Variants in PPP1R14C observed in about 807,000 individuals in gnomAD.
The protein encoded by PPP1R14C is protein phosphatase 1 regulatory subunit 14C.
In PPP1R14C, 16 loss-of-function variants were observed where a neutral mutation model predicts 20.4. The observed-to-expected ratio is 0.78, with a 90% CI of 0.53 to 1.19. The LOEUF is 1.19. Ranked by LOEUF, PPP1R14C falls within the 50% of genes most tolerant of loss-of-function variation. PPP1R14C has a pLI of 0.00. For synonymous variants in PPP1R14C, 91 were observed against 91.0 expected (o/e 1.00, Z 0.00); for missense variants, 211 against 220.1 (o/e 0.96, Z 0.26).
At position 150,249,058 on chromosome 6, in the gene PPP1R14C, C is replaced by A; in HGVS notation, c.*238C>A. The A allele has an allele frequency of 2.2e-6, 1 of 447,818 alleles. No individual in the cohort carries two copies. The highest frequency in any genetic ancestry group is 3.9e-6 in the Non-Finnish European group (1 of 255,586). 27.7% of individuals were successfully genotyped at this position (447,818 alleles called of 1,614,324 possible). On this transcript the variant is annotated 3_prime_UTR_variant, in exon 4 of 4. Coordinates refer to ENST00000361131, the MANE Select transcript of PPP1R14C (RefSeq NM_030949.3). ...AATAGCAAAGATATCATGACTCTAG[C>A]CACAGCCTAACCAAGGATTATCAAA...
intron 1 of PPP1R14C, among the ~76,000 whole-genome samples, chr6:150,168,449 C>T (rs902235985): frequency 4.6e-5 from 7 of 152,032 alleles, no homozygotes; most frequent in African/African-American, 7.2e-5. Flanking sequence ...AGGAGAATGG[C>T]GTGAACCCGG....
At chr6:150,243,610 A>G (rs572005620) in intron 3 of PPP1R14C, among the ~76,000 whole-genome samples, 1 of 152,352 alleles carries the variant, frequency 6.6e-6, no homozygotes, top group South Asian at 2.1e-4. Context: ...TTAAGACAAT[A>G]TGGTATGGGT....
At chr6:150,218,357 T>G (rs933485911) in intron 3 of PPP1R14C, among the ~76,000 whole-genome samples, 1 of 151,552 alleles carries the variant, frequency 6.6e-6, no homozygotes, top group Admixed American at 6.6e-5. Context: ...GAGCCGAGAT[T>G]GCGCCACTGC....
intron 1 of PPP1R14C, among the ~76,000 whole-genome samples, chr6:150,168,482 G>T (rs916664513): frequency 6.6e-6 from 1 of 152,056 alleles, no homozygotes; most frequent in African/African-American, 2.4e-5. Flanking sequence ...GCAGTGAGCC[G>T]AGATAGCGCC....
chr6:150,190,475 G>T (rs1777728907), intron 1 of PPP1R14C, among the ~76,000 whole-genome samples: 1 of 148,698 alleles, frequency 6.7e-6, no homozygotes, highest in African/African-American at 2.5e-5. Context: ...TCACCAGGCT[G>T]AAGTGCAGTT....
At chr6:150,221,319 ACC>A (rs1778164836) in intron 3 of PPP1R14C, among the ~76,000 whole-genome samples, 1 of 152,196 alleles carries the variant, frequency 6.6e-6, no homozygotes, top group Admixed American at 6.5e-5. Flanking sequence ...TCAGGACTCA[ACC>A]CGAGTTTCTG....
intron 3 of PPP1R14C, among the ~76,000 whole-genome samples, chr6:150,248,310 T>A (rs1778518883): frequency 6.6e-6 from 1 of 152,186 alleles, no homozygotes; most frequent in South Asian, 2.1e-4. Context: ...TAGTCCAGCC[T>A]TGCCATTCTT....
rs533909682 is a variant in PPP1R14C, at chr6:150,181,607, A to T, written c.307-33137A>T. The stretch of plus-strand genomic sequence containing the variant: ...TTGCACATAATGTTTTTTTAAAAAA[A>T]TTTTTTGCTGATATCTTAATTAGGG... On this transcript the variant is annotated intron_variant, in intron 1 of 3. Coordinates refer to ENST00000361131, the MANE Select transcript of PPP1R14C (RefSeq NM_030949.3). Among the ~76,000 whole-genome samples the T allele has an allele frequency of 1.4e-3, 217 of 152,282 alleles. 4 individuals carry two copies. The highest frequency in any genetic ancestry group is 4.6e-3 in the African/African-American group (192 of 41,556).
chr6:150,229,460 T>A (rs976452124), intron 3 of PPP1R14C, among the ~76,000 whole-genome samples: 3 of 152,152 alleles, frequency 2.0e-5, no homozygotes, highest in African/African-American at 4.8e-5. Flanking sequence ...GAGGGGAGAA[T>A]TAAATGCTGT....
At chr6:150,176,966 C>A (rs190565405) in intron 1 of PPP1R14C, among the ~76,000 whole-genome samples, 1 of 152,206 alleles carries the variant, frequency 6.6e-6, no homozygotes, top group Non-Finnish European at 1.5e-5. Context: ...CCGGCCTCCC[C>A]CTGTGTGTCT....
At chr6:150,189,720 G>T (rs888801117) in intron 1 of PPP1R14C, among the ~76,000 whole-genome samples, 1 of 152,100 alleles carries the variant, frequency 6.6e-6, no homozygotes, top group Non-Finnish European at 1.5e-5. Flanking sequence ...TTCTAGGATT[G>T]CTCCCATTTG....
In PPP1R14C at chr6:150,154,788, CT is replaced by C. The variant is rs932350849; in HGVS notation, c.306+11300del. On this transcript the variant is annotated intron_variant, in intron 1 of 3. Coordinates refer to ENST00000361131, the MANE Select transcript of PPP1R14C (RefSeq NM_030949.3). ...TAGAACGTAAGGATTAGATTAATAA[CT>C]TTTTTTTTTAAATCATCTTTTCCTC... Among the ~76,000 whole-genome samples, 311 of 150,500 alleles carry C rather than the reference CT, an allele frequency of 2.1e-3. 4 individuals are homozygous for C. Among genetic ancestry groups the C allele is most frequent in the African/African-American group, 8.3e-4 (34 of 41,026 alleles).
At chr6:150,181,654 GC>G (rs1484419512) in intron 1 of PPP1R14C, among the ~76,000 whole-genome samples, 1 of 152,098 alleles carries the variant, frequency 6.6e-6, no homozygotes, top group Non-Finnish European at 1.5e-5. Flanking sequence ...TCTGCGCTTA[GC>G]CTTCTTGTTT....
intron 1 of PPP1R14C, among the ~76,000 whole-genome samples, chr6:150,158,681 GAGAATA>G (rs1426164409): frequency 6.6e-6 from 1 of 151,858 alleles, no homozygotes; most frequent in Non-Finnish European, 1.5e-5. Context: ...TCTCCTATAA[GAGAATA>G]ACTTCAAAGT....
chr6:150,190,204 G>A (rs115403540), intron 1 of PPP1R14C, among the ~76,000 whole-genome samples: 3 of 151,876 alleles, frequency 2.0e-5, no homozygotes, highest in Non-Finnish European at 2.9e-5. Flanking sequence ...TAGCCTGGAC[G>A]CGTTTATGAA....
chr6:150,233,416 A>C (rs1288301678), intron 3 of PPP1R14C, among the ~76,000 whole-genome samples: 1 of 152,234 alleles, frequency 6.6e-6, no homozygotes, highest in Non-Finnish European at 1.5e-5. Context: ...TTCTGGTCTC[A>C]AAAACATTTC....
intron 3 of PPP1R14C, among the ~76,000 whole-genome samples, chr6:150,222,366 C>G (rs1458017082): frequency 6.6e-6 from 1 of 152,160 alleles, no homozygotes; most frequent in Non-Finnish European, 1.5e-5. Flanking sequence ...TCCCATCCAC[C>G]TCACACATGT....
intron 3 of PPP1R14C, 131 bp downstream of exon 3, chr6:150,216,987 G>C: frequency 1.5e-6 from 1 of 656,390 alleles, no homozygotes; most frequent in Admixed American, 3.1e-5. Flanking sequence ...TTATCCATGA[G>C]TGCATATGTT....
intron 1 of PPP1R14C, among the ~76,000 whole-genome samples, chr6:150,166,221 C>T (rs1450200384): frequency 6.6e-6 from 1 of 152,210 alleles, no homozygotes; most frequent in East Asian, 1.9e-4. Flanking sequence ...GCTGGGATTA[C>T]AGGCGCCCGC....
Sources: allele counts gnomAD v4.1 joint callset (sites outside exome capture counted in the v4.1 genomes callset), GRCh38; gene constraint gnomAD v4.1.1; transcripts MANE v1.5; gene names NCBI Gene and HGNC (gene_info 2026-07-23, HGNC 2026-07-21).